Variants in CSMD1 observed in about 807,000 individuals in gnomAD.
The protein encoded by CSMD1 is CUB and sushi domain-containing protein 1.
In CSMD1, 213 loss-of-function variants were observed where a neutral mutation model predicts 417.5. The ratio of observed to expected loss-of-function variants is 0.51; its 90% CI spans 0.46 to 0.57. The LOEUF is 0.57. Among genes scored for constraint, CSMD1 ranks in the 20% least tolerant of loss-of-function variants. The pLI, the probability that CSMD1 is intolerant of heterozygous loss-of-function variation, is 0.00. For missense variants in CSMD1, 6,923 were observed against 4,529.7 expected, an observed-to-expected ratio of 1.53 and a Z score of -15.17; for synonymous variants, 2,862 against 1,736.8, an observed-to-expected ratio of 1.65 and a Z score of -16.11.
chr8:3,403,444 G>A (rs1338425541), intron 15 of CSMD1, among the ~76,000 whole-genome samples: 1 of 152,176 alleles, frequency 6.6e-6, no homozygotes, highest in East Asian at 1.9e-4. Flanking sequence ...CAGTCATTAG[G>A]TTTCTCAACG....
intron 42 of CSMD1, among the ~76,000 whole-genome samples, chr8:3,113,897 G>A (rs1816691722): frequency 6.6e-6 from 1 of 152,028 alleles, no homozygotes; most frequent in Non-Finnish European, 1.5e-5. Context: ...AGATGGATAG[G>A]CATATTAAGT....
At chr8:4,044,198 C>G (rs183328211) in intron 3 of CSMD1, among the ~76,000 whole-genome samples, 1 of 152,264 alleles carries the variant, frequency 6.6e-6, no homozygotes, top group Admixed American at 6.5e-5. Context: ...GTTGAGGGAT[C>G]TGCACAATAA....
At chr8:4,223,392 C>G (rs962737556) in intron 3 of CSMD1, among the ~76,000 whole-genome samples, 1 of 152,220 alleles carries the variant, frequency 6.6e-6, no homozygotes, top group African/African-American at 2.4e-5. Context: ...TCAGCTGCCG[C>G]CAAGGTAAGC....
intron 1 of CSMD1, among the ~76,000 whole-genome samples, chr8:4,700,217 C>T (rs79028129): frequency 0.011 from 1,603 of 152,024 alleles, 27 homozygotes; most frequent in African/African-American, 0.037. Context: ...ATAATAAAAC[C>T]AAGCAAAGGA....
intron 1 of CSMD1, among the ~76,000 whole-genome samples, chr8:4,824,312 C>G (rs1396377525): frequency 6.6e-6 from 1 of 151,836 alleles, no homozygotes; most frequent in African/African-American, 2.4e-5. Flanking sequence ...TGAAATAATA[C>G]TTTGTGTTAT....
chr8:4,588,648 G>A (rs1041531517), intron 2 of CSMD1, among the ~76,000 whole-genome samples: 1 of 151,976 alleles, frequency 6.6e-6, no homozygotes, highest in Admixed American at 6.5e-5. Context: ...AGCCGGGCGT[G>A]GTGGCGGGCG....
At chr8:3,355,509 G>A (rs942019908) in intron 21 of CSMD1, among the ~76,000 whole-genome samples, 1 of 152,138 alleles carries the variant, frequency 6.6e-6, no homozygotes, top group African/African-American at 2.4e-5. Context: ...TGACTGCTCA[G>A]GAATAGGCAT....
At chr8:4,762,875 A>T (rs1812209030) in intron 1 of CSMD1, among the ~76,000 whole-genome samples, 1 of 152,224 alleles carries the variant, frequency 6.6e-6, no homozygotes, top group African/African-American at 2.4e-5. Context: ...AATATTTATT[A>T]GGCATCTCAT....
chr8:3,506,998 C>T (rs991484492), intron 10 of CSMD1, among the ~76,000 whole-genome samples: 2 of 152,112 alleles, frequency 1.3e-5, no homozygotes, highest in Admixed American at 6.6e-5. Flanking sequence ...TTCTAATATA[C>T]ATTTTCATAC....
At chr8:3,780,243 G>C (rs1584986662) in intron 5 of CSMD1, among the ~76,000 whole-genome samples, 1 of 152,178 alleles carries the variant, frequency 6.6e-6, no homozygotes, top group African/African-American at 2.4e-5. Flanking sequence ...AATCAGCATT[G>C]TCTGGTTCTT....
chr8:4,532,445 C>T (rs567480325), intron 2 of CSMD1, among the ~76,000 whole-genome samples: 1 of 150,780 alleles, frequency 6.6e-6, no homozygotes, highest in South Asian at 2.1e-4. Flanking sequence ...TTCACAGTCA[C>T]TCTGGAAGAG....
At chr8:4,131,417 C>T (rs1488970359) in intron 3 of CSMD1, among the ~76,000 whole-genome samples, 6 of 152,128 alleles carry the variant, frequency 3.9e-5, no homozygotes, top group Admixed American at 3.9e-4. Flanking sequence ...TTTGTACCAC[C>T]TCTCTCTCAA....
chr8:4,849,845 T>G (rs898408136), intron 1 of CSMD1, among the ~76,000 whole-genome samples: 1 of 152,218 alleles, frequency 6.6e-6, no homozygotes, highest in Non-Finnish European at 1.5e-5. Context: ...TCCTCATTGT[T>G]ATGTAACATG....
At chr8:4,107,483 T>C (rs957173278) in intron 3 of CSMD1, among the ~76,000 whole-genome samples, 1 of 152,212 alleles carries the variant, frequency 6.6e-6, no homozygotes, top group Non-Finnish European at 1.5e-5. Context: ...GTGAAACGGA[T>C]ATTTCAAACA....
chr8:2,978,594 G>T lies in CSMD1; in HGVS notation c.8566+18C>A, dbSNP rs773857672. 1 of 1,561,432 alleles carries T rather than the reference G, an allele frequency of 6.4e-7. No individual in the cohort carries two copies. Among genetic ancestry groups the T allele is most frequent in the Non-Finnish European group, 8.7e-7 (1 of 1,152,820 alleles). On this transcript the variant is annotated intron_variant, in intron 55 of 69. Coordinates refer to ENST00000635120, the MANE Select transcript of CSMD1 (RefSeq NM_033225.6). ...TGCAGGGGTCTCTGCACAGAAATTG[G>T]GAATAACCCTGACTTACCCAAACAC...
At position 4,577,764 on chromosome 8, in the gene CSMD1, T is replaced by C. The variant is rs1467212683; in HGVS notation, c.302+59578A>G. Reference sequence around the variant, plus strand: ...GCTGTTTGATTACTTTATCTGCCTGTCCTTAACTGAAAGCTCATTGAGAAT... The same window carrying C: ...GCTGTTTGATTACTTTATCTGCCTGCCCTTAACTGAAAGCTCATTGAGAAT... On this transcript the variant is annotated intron_variant, in intron 2 of 69. Transcript: ENST00000635120. Among the ~76,000 whole-genome samples the C allele has an allele frequency of 3.9e-5, 6 of 152,316 alleles. No individual in the cohort carries two copies. In the East Asian group the frequency reaches 7.7e-4, roughly 20 times the overall value.
At chr8:3,600,782 CTTCCATGAATGTTT>C (rs1476256143) in intron 8 of CSMD1, among the ~76,000 whole-genome samples, 2 of 151,826 alleles carry the variant, frequency 1.3e-5, no homozygotes, top group Non-Finnish European at 2.9e-5. Flanking sequence ...AGTCATTGTT[CTTCCATGAATGTTT>C]TGTAACATTC....
intron 3 of CSMD1, among the ~76,000 whole-genome samples, chr8:4,167,294 T>A (rs79065573): frequency 6.6e-6 from 1 of 152,168 alleles, no homozygotes; most frequent in Non-Finnish European, 1.5e-5. Flanking sequence ...TTCGTGTCTA[T>A]AACAGAAAGC....
intron 23 of CSMD1, among the ~76,000 whole-genome samples, chr8:3,310,132 A>C (rs539650860): frequency 4.6e-5 from 7 of 152,354 alleles, no homozygotes; most frequent in African/African-American, 1.7e-4. Flanking sequence ...GGATGGTTTC[A>C]ATCAATCACC....
Sources: gnomAD v4.1 joint callset for allele counts (sites outside exome capture counted in the v4.1 genomes callset) on GRCh38, gnomAD v4.1.1 for gene constraint, MANE v1.5 for transcripts, NCBI Gene and HGNC (gene_info 2026-07-23, HGNC 2026-07-21) for gene names.